The following PARN variants were observed in gnomAD, a reference collection of about 807,000 sequenced individuals.
PARN encodes the protein poly(A)-specific ribonuclease PARN.
Under a neutral mutation model 102.8 loss-of-function variants are expected in PARN, and 71 were observed. That is an observed-to-expected ratio of 0.69 (90% CI 0.57 to 0.84). The LOEUF (loss-of-function observed/expected upper bound fraction) is 0.84, where lower values mean the gene tolerates loss of function less well. Ranked by LOEUF, PARN falls within the 40% of genes least tolerant of loss-of-function variation. The pLI is 0.00. For missense variants in PARN, 782 were observed against 760.9 expected (o/e 1.03, Z -0.33); for synonymous variants, 261 against 252.9 (o/e 1.03, Z -0.30).
At chr16:14,513,994 T>C (rs979493671) in intron 21 of PARN, among the ~76,000 whole-genome samples, 4 of 152,004 alleles carry the variant, frequency 2.6e-5, no homozygotes, top group African/African-American at 9.7e-5. Flanking sequence ...CAACAAACAT[T>C]TGAGCACTAG....
At chr16:14,549,605 A>AT (rs1967171183) in intron 21 of PARN, among the ~76,000 whole-genome samples, 1 of 152,258 alleles carries the variant, frequency 6.6e-6, no homozygotes, top group Admixed American at 6.5e-5. Context: ...ATATGGTGGT[A>AT]TAACAGGAAT....
intron 11 of PARN, among the ~76,000 whole-genome samples, chr16:14,601,408 T>G (rs1483887611): frequency 6.6e-6 from 1 of 152,076 alleles, no homozygotes; most frequent in Non-Finnish European, 1.5e-5. Context: ...CAAATTCATA[T>G]GACAGTAAGT....
At chr16:14,582,916 T>C (rs1969619877) in intron 16 of PARN, among the ~76,000 whole-genome samples, 1 of 152,170 alleles carries the variant, frequency 6.6e-6, no homozygotes, top group South Asian at 2.1e-4. Flanking sequence ...AAAACTGTTA[T>C]CTATCAATAC....
At chr16:14,628,664 T>C (rs918297203) in intron 2 of PARN, among the ~76,000 whole-genome samples, 2 of 152,184 alleles carry the variant, frequency 1.3e-5, no homozygotes, top group African/African-American at 4.8e-5. Flanking sequence ...AAAGAATGTA[T>C]CTTCAAGATT....
intron 21 of PARN, among the ~76,000 whole-genome samples, chr16:14,514,433 G>A (rs577070565): frequency 1.3e-5 from 2 of 151,974 alleles, no homozygotes; most frequent in East Asian, 1.9e-4. Flanking sequence ...TGATCCACCC[G>A]CCTCAGCCTC....
chr16:14,489,746 G>A (rs922757241), intron 21 of PARN, among the ~76,000 whole-genome samples: 68 of 152,236 alleles, frequency 4.5e-4, no homozygotes, highest in African/African-American at 1.6e-3. Context: ...TGGGTGGGGA[G>A]AGTGTACTAG....
chr16:14,628,630 G>T (rs935175694), intron 2 of PARN, among the ~76,000 whole-genome samples: 11 of 152,200 alleles, frequency 7.2e-5, no homozygotes, highest in African/African-American at 2.7e-4. Context: ...TTGGTCAAGA[G>T]TTTGGAGTGG....
intron 11 of PARN, among the ~76,000 whole-genome samples, chr16:14,602,881 T>C (rs1295082389): frequency 6.6e-6 from 1 of 151,958 alleles, no homozygotes; most frequent in East Asian, 1.9e-4. Context: ...TCATCCTCAG[T>C]GAAGCCACAT....
chr16:14,608,469 G>C (rs1288538084), intron 8 of PARN, 150 bp from the exon 9 acceptor site: 8 of 592,032 alleles, frequency 1.4e-5, no homozygotes, highest in Non-Finnish European at 2.1e-5. Flanking sequence ...GGTTTTTTGA[G>C]GTGGGGGGAT....
rs574905435 is a variant in PARN at position 14,617,717 on chromosome 16, G to A, written c.328-67C>T. ...CGGCAGGAATATAAAGAGATGCAGA[G>A]AAGTAACTCAAACAAGAAAACAAAG... On this transcript the variant is annotated intron_variant, in intron 5 of 23. Transcript: ENST00000437198. 20 of 921,166 alleles carry A rather than the reference G, an allele frequency of 2.2e-5. No homozygotes were observed. The East Asian group carries it at 4.8e-4, about 22-fold the overall frequency. 57.1% of individuals were successfully genotyped at this position (921,166 alleles called of 1,614,324 possible).
chr16:14,562,460 TA>T (rs1324062596), intron 18 of PARN, among the ~76,000 whole-genome samples: 2 of 112,604 alleles, frequency 1.8e-5, no homozygotes, highest in Non-Finnish European at 3.8e-5. Context: ...AAACTATGAA[TA>T]AAAAAAAGAA....
intron 21 of PARN, among the ~76,000 whole-genome samples, chr16:14,489,076 C>G (rs751405656): frequency 1.3e-5 from 2 of 152,064 alleles, no homozygotes; most frequent in East Asian, 1.9e-4. Flanking sequence ...ATCCCCCTCA[C>G]GCCCCGCAAC....
At chr16:14,629,503 C>T in intron 2 of PARN, 94 bp downstream of exon 2, 1 of 911,878 alleles carries the variant, frequency 1.1e-6, no homozygotes. Context: ...AGCAAGAGGC[C>T]ACCACCAAGC....
chr16:14,470,146 A>T (rs1262606770), intron 22 of PARN, among the ~76,000 whole-genome samples: 3 of 152,190 alleles, frequency 2.0e-5, no homozygotes, highest in Non-Finnish European at 4.4e-5. Flanking sequence ...CTAACACAAC[A>T]AAGGTCATAT....
chr16:14,482,647 C>T lies in PARN; in HGVS notation c.1661G>A (p.Arg554His), dbSNP rs372489171. The change falls in exon 22 of 24, where the codon CGC becomes CAC. Residue 554 changes from arginine (R) to histidine (H), a missense_variant. Transcript: ENST00000437198. ...IPYTLQNHYY[R>H]NNSFTAPSTV... ...AGCTGAGAGCTCTTACCTATTGTTG[C>T]GGTAATAGTGATTCTGCAGGGTGTA... is the stretch of plus-strand genomic sequence containing the variant. 28 of 1,601,368 alleles carry T rather than the reference C, an allele frequency of 1.7e-5. No homozygotes were observed. The highest frequency in any genetic ancestry group is 1.7e-4 in the Admixed American group (10 of 57,244).
chr16:14,486,230 G>A (rs1215961951), intron 21 of PARN, among the ~76,000 whole-genome samples: 1 of 152,124 alleles, frequency 6.6e-6, no homozygotes, highest in Non-Finnish European at 1.5e-5. Flanking sequence ...AGCCAGATGT[G>A]GTGGCTTCAG....
At chr16:14,622,975 G>A (rs1567465338) in intron 5 of PARN, among the ~76,000 whole-genome samples, 1 of 151,948 alleles carries the variant, frequency 6.6e-6, no homozygotes, top group Non-Finnish European at 1.5e-5. Context: ...ATGGTGGCAT[G>A]TGCCTGTAGT....
chr16:14,494,313 A>C (rs1964201187), intron 21 of PARN, among the ~76,000 whole-genome samples: 1 of 152,214 alleles, frequency 6.6e-6, no homozygotes, highest in African/African-American at 2.4e-5. Flanking sequence ...GAAATCAGAG[A>C]GACAAAGCCC....
chr16:14,621,105 A>G (rs904723546), intron 5 of PARN, among the ~76,000 whole-genome samples: 5 of 152,096 alleles, frequency 3.3e-5, no homozygotes, highest in African/African-American at 1.2e-4. Context: ...TATACTTTAC[A>G]ACAAGCAATC....
Sources: gnomAD v4.1 joint callset for allele counts (sites outside exome capture counted in the v4.1 genomes callset) on GRCh38, gnomAD v4.1.1 for gene constraint, MANE v1.5 for transcripts, NCBI Gene and HGNC (gene_info 2026-07-23, HGNC 2026-07-21) for gene names.